Variants in ARHGAP29 observed in about 807,000 individuals in gnomAD.
ARHGAP29 encodes rho GTPase-activating protein 29.
ARHGAP29 carries 43 observed loss-of-function variants against 122.6 expected under a neutral mutation model. The observed-to-expected ratio is 0.35, with a 90% CI of 0.27 to 0.45. The LOEUF (loss-of-function observed/expected upper bound fraction) is 0.45, where lower values mean the gene tolerates loss of function less well. Ranked by LOEUF, ARHGAP29 falls within the 20% of genes least tolerant of loss-of-function variation. ARHGAP29 has a pLI of 1.00. For synonymous variants in ARHGAP29, 506 were observed against 497.1 expected, an observed-to-expected ratio of 1.02 and a Z score of -0.24; for missense variants, 1,303 against 1,477.2, an observed-to-expected ratio of 0.88 and a Z score of 1.93.
intron 1 of ARHGAP29, among the ~76,000 whole-genome samples, chr1:94,244,493 CTACA>C (rs1266574967): frequency 1.1e-5 from 1 of 87,224 alleles, no homozygotes; most frequent in Non-Finnish European, 2.6e-5. Context: ...TAAAGGGCAT[CTACA>C]AAAAAAACCG....
In ARHGAP29 at chr1:94,171,703, G is replaced by C. The variant is rs1648748882; in HGVS notation, c.*2166C>G. 6.6e-6 allele frequency: 1 copy of C among 152,176 alleles called. No homozygotes were observed. The highest frequency in any genetic ancestry group is 1.5e-5 in the Non-Finnish European group (1 of 68,028). 9.4% of individuals were successfully genotyped at this position (152,176 alleles called of 1,614,324 possible). On this transcript the variant is annotated 3_prime_UTR_variant, in exon 23 of 23. Transcript: ENST00000260526. The stretch of plus-strand genomic sequence containing the variant: ...GGCTTAAGGCTCTACGCTGGACAAA[G>C]TGCCAGGGAGCCCTAAAGGCAGAAA...
intron 1 of ARHGAP29, among the ~76,000 whole-genome samples, chr1:94,258,514 C>G (rs962421200): frequency 3.3e-5 from 5 of 152,168 alleles, no homozygotes; most frequent in African/African-American, 1.2e-4. Flanking sequence ...TTTGCCTTCC[C>G]TCTTTGGAGA....
chr1:94,216,288 G>C (rs1651951581), intron 3 of ARHGAP29, among the ~76,000 whole-genome samples: 1 of 152,260 alleles, frequency 6.6e-6, no homozygotes, highest in Non-Finnish European at 1.5e-5. Flanking sequence ...CAATATAAGG[G>C]ATTACCATAC....
chr1:94,314,337 G>A, the ARHGAP29 span, among the ~76,000 whole-genome samples: 25 of 152,272 alleles, frequency 1.6e-4, no homozygotes, highest in Non-Finnish European at 2.4e-4. Flanking sequence ...CATTAGGCAA[G>A]CAGTGACCAT....
intron 1 of ARHGAP29, among the ~76,000 whole-genome samples, chr1:94,244,129 G>A (rs967038655): frequency 6.6e-6 from 1 of 151,428 alleles, no homozygotes; most frequent in Non-Finnish European, 1.5e-5. Flanking sequence ...GGAAAATACA[G>A]GAGACAAGAA....
intron 3 of ARHGAP29, among the ~76,000 whole-genome samples, chr1:94,212,913 C>A (rs1651731416): frequency 1.3e-5 from 2 of 152,188 alleles, no homozygotes; most frequent in African/African-American, 4.8e-5. Flanking sequence ...CTTTACTCCT[C>A]CTTCACAGCT....
chr1:94,239,955 T>C (rs538284202), upstream of ARHGAP29, among the ~76,000 whole-genome samples: 5 of 152,268 alleles, frequency 3.3e-5, no homozygotes, highest in Admixed American at 2.6e-4. Context: ...TGGAGAATGA[T>C]GCACCATGGA....
chr1:94,307,426 T>A, the ARHGAP29 span, among the ~76,000 whole-genome samples: 2 of 152,164 alleles, frequency 1.3e-5, no homozygotes, highest in African/African-American at 2.4e-5. Context: ...AAAACTCCAA[T>A]GGGATTTTAT....
chr1:94,185,216 G>A, intron 17 of ARHGAP29, 126 bp downstream of exon 17: 1 of 1,209,324 alleles, frequency 8.3e-7, no homozygotes, highest in Non-Finnish European at 1.1e-6. Context: ...TAAAATTATA[G>A]AAGGTGTACT....
rs147861602 is a variant in ARHGAP29 at position 94,200,656 on chromosome 1, G to C, written c.1281+1064C>G. Among the ~76,000 whole-genome samples the C allele has an allele frequency of 6.2e-3, 951 of 152,284 alleles. 6 individuals carry two copies. The highest frequency in any genetic ancestry group is 9.8e-3 in the Non-Finnish European group (670 of 68,030). Reference sequence around the variant, plus strand: ...GAAACACCGCAAATGTCCAACTAGTGAATGGATAAACACTGTAGTACAGTC... The same window carrying C: ...GAAACACCGCAAATGTCCAACTAGTCAATGGATAAACACTGTAGTACAGTC... On this transcript the variant is annotated intron_variant, in intron 12 of 22. Coordinates refer to ENST00000260526, the MANE Select transcript of ARHGAP29 (RefSeq NM_004815.4).
At chr1:94,283,229 C>G in the ARHGAP29 span, among the ~76,000 whole-genome samples, 3 of 152,084 alleles carry the variant, frequency 2.0e-5, no homozygotes, top group Non-Finnish European at 2.9e-5. Flanking sequence ...TGAACGGCCA[C>G]CTGGGTACCA....
At chr1:94,196,857 T>G (rs1650508346) in intron 12 of ARHGAP29, among the ~76,000 whole-genome samples, 1 of 152,110 alleles carries the variant, frequency 6.6e-6, no homozygotes, top group Non-Finnish European at 1.5e-5. Context: ...AATACAAATT[T>G]TAAAATTTGT....
chr1:94,305,107 G>A, the ARHGAP29 span, among the ~76,000 whole-genome samples: 100 of 152,342 alleles, frequency 6.6e-4, 3 homozygotes, highest in East Asian at 0.018. Flanking sequence ...TCTCTACATT[G>A]GTACTGAAAA....
At chr1:94,281,043 G>T in the ARHGAP29 span, among the ~76,000 whole-genome samples, 3 of 152,094 alleles carry the variant, frequency 2.0e-5, no homozygotes, top group Non-Finnish European at 4.4e-5. Flanking sequence ...ATCCTTTCAA[G>T]AGCTAATTAT....
intron 1 of ARHGAP29, among the ~76,000 whole-genome samples, chr1:94,233,753 T>C (rs1653079612): frequency 6.6e-6 from 1 of 152,182 alleles, no homozygotes; most frequent in Non-Finnish European, 1.5e-5. Flanking sequence ...ATAATACATG[T>C]TAAGTGTATT....
the ARHGAP29 span, among the ~76,000 whole-genome samples, chr1:94,290,211 G>A: frequency 6.6e-6 from 1 of 151,296 alleles, no homozygotes; most frequent in Non-Finnish European, 1.5e-5. Context: ...GGTCTATTCG[G>A]GTCTATTCAT....
rs1251000618 is a variant in ARHGAP29 at position 94,202,748 on chromosome 1, T to C, written c.955-16A>G. 4 of 1,606,394 alleles carry C rather than the reference T, an allele frequency of 2.5e-6. No homozygotes were observed. The highest frequency in any genetic ancestry group is 3.4e-6 in the Non-Finnish European group (4 of 1,177,366). ...CTGCTTCAAGCTACACCGAAAAGAG[T>C]ATTAAACACAGAATATGAAAGAAAT... is the stretch of plus-strand genomic sequence containing the variant. On this transcript the variant is annotated splice_polypyrimidine_tract_variant and intron_variant, in intron 10 of 22. Transcript: ENST00000260526.
chr1:94,224,458 T>C (rs767355629), intron 2 of ARHGAP29, among the ~76,000 whole-genome samples: 3 of 152,202 alleles, frequency 2.0e-5, no homozygotes, highest in South Asian at 2.1e-4. Flanking sequence ...GGGCAAAAAC[T>C]ACAAAATACT....
chr1:94,255,037 T>C (rs1034608490), intron 1 of ARHGAP29, among the ~76,000 whole-genome samples: 2 of 152,186 alleles, frequency 1.3e-5, no homozygotes, highest in African/African-American at 4.8e-5. Flanking sequence ...TATCTAACAA[T>C]GTGTTATAGG....
Sources: allele counts gnomAD v4.1 joint callset (sites outside exome capture counted in the v4.1 genomes callset), GRCh38; gene constraint gnomAD v4.1.1; transcripts MANE v1.5; gene names NCBI Gene and HGNC (gene_info 2026-07-23, HGNC 2026-07-21).